The following DIP2B variants were observed in gnomAD, a reference collection of about 807,000 sequenced individuals.
DIP2B encodes disco-interacting protein 2 homolog B.
A neutral mutation model predicts 198.0 loss-of-function variants in DIP2B; 76 were observed. That is an observed-to-expected ratio of 0.38 (90% confidence interval 0.32 to 0.46). The LOEUF (loss-of-function observed/expected upper bound fraction) is 0.46. Among genes scored for constraint, DIP2B ranks in the 20% least tolerant of loss-of-function variants. DIP2B has a pLI of 0.99. For synonymous variants in DIP2B, 701 were observed against 739.1 expected (o/e 0.95, Z 0.84); for missense variants, 1,559 against 1,978.4 (o/e 0.79, Z 4.02).
chr12:50,599,565 G>A (rs1038259787), intron 1 of DIP2B, among the ~76,000 whole-genome samples: 3 of 152,018 alleles, frequency 2.0e-5, no homozygotes, highest in South Asian at 2.1e-4. Flanking sequence ...TGAGTGAGCC[G>A]AGATTGCGCC....
At chr12:50,594,242 C>A (rs911783294) in intron 1 of DIP2B, among the ~76,000 whole-genome samples, 1 of 151,990 alleles carries the variant, frequency 6.6e-6, no homozygotes, top group Non-Finnish European at 1.5e-5. Context: ...CTGTACCCAG[C>A]CTCCTTTGTT....
intron 32 of DIP2B, 112 bp downstream of exon 32, chr12:50,732,648 T>A (rs1328998026): frequency 2.2e-6 from 3 of 1,354,512 alleles, no homozygotes; most frequent in Non-Finnish European, 2.0e-6. Flanking sequence ...CGCACTTACT[T>A]GCTTTGGAAC....
At chr12:50,591,628 CT>C (rs755331602) in intron 1 of DIP2B, among the ~76,000 whole-genome samples, 136 of 143,882 alleles carry the variant, frequency 9.5e-4, no homozygotes, top group Middle Eastern at 3.5e-3. Flanking sequence ...TTCTTTCTTT[CT>C]TTTTTTTTTT....
intron 1 of DIP2B, among the ~76,000 whole-genome samples, chr12:50,546,272 A>G (rs976403362): frequency 4.6e-5 from 7 of 152,360 alleles, no homozygotes; most frequent in Non-Finnish European, 1.0e-4. Context: ...CAGGTACAGC[A>G]TATAGTTTTA....
chr12:50,643,411 G>GTGTC (rs978752406), intron 3 of DIP2B, among the ~76,000 whole-genome samples: 1 of 116,612 alleles, frequency 8.6e-6, no homozygotes, highest in Non-Finnish European at 1.6e-5. Flanking sequence ...TTTTCTGTGT[G>GTGTC]TGTGTGTGTG....
At chr12:50,584,381 G>A (rs1958751691) in intron 1 of DIP2B, among the ~76,000 whole-genome samples, 1 of 152,004 alleles carries the variant, frequency 6.6e-6, no homozygotes, top group Admixed American at 6.6e-5. Flanking sequence ...TTTCACCTCA[G>A]TACATATCTC....
chr12:50,699,090 A>G lies in DIP2B; in HGVS notation c.2213A>G (p.Asp738Gly), dbSNP rs774737966. The change falls in exon 19 of 38, where the codon GAT (aspartate) becomes GGT (glycine). Residue 738 changes from aspartate (D) to glycine (G), a missense_variant. Coordinates refer to ENST00000301180, the MANE Select transcript of DIP2B (RefSeq NM_173602.3). The part of the protein sequence containing the change: ...PGGMMCIVKP[D>G]GPPQLCKTDE... ...GGGATGATGTGCATTGTGAAACCAGATGGACCTCCCCAGCTCTGCAAAACA... is the reference window on the plus strand; with the variant it reads ...GGGATGATGTGCATTGTGAAACCAGGTGGACCTCCCCAGCTCTGCAAAACA... 1 of 1,614,072 alleles carries G rather than the reference A, an allele frequency of 6.2e-7. No individual in the cohort carries two copies. Among genetic ancestry groups the G allele is most frequent in the Non-Finnish European group, 8.5e-7 (1 of 1,180,024 alleles).
At position 50,640,990 on chromosome 12, in the gene DIP2B, C is replaced by T. The variant is rs200588672; in HGVS notation, c.301+138C>T. ...GTTTTATATTAACTCATTCACCAATCATTTATTTTGTACCCTACTATGTAT... is the reference window on the plus strand; with the variant it reads ...GTTTTATATTAACTCATTCACCAATTATTTATTTTGTACCCTACTATGTAT... On this transcript the variant is annotated intron_variant, in intron 3 of 37. Transcript: ENST00000301180. 44 of 1,112,492 alleles carry T rather than the reference C, an allele frequency of 4.0e-5. 1 individual carries two copies. In the African/African-American group the frequency reaches 6.5e-4, roughly 16 times the overall value. 68.9% of individuals were successfully genotyped at this position (1,112,492 alleles called of 1,614,324 possible). A position where few individuals can be genotyped will look rare whatever the true frequency, so the allele number is the denominator to read the frequency against.
chr12:50,568,441 C>T (rs74624297), intron 1 of DIP2B, among the ~76,000 whole-genome samples: 1 of 152,120 alleles, frequency 6.6e-6, no homozygotes, highest in Non-Finnish European at 1.5e-5. Context: ...GGTATTTAGC[C>T]TGTACTTTTT....
chr12:50,629,978 C>CCA (rs1938013559), intron 2 of DIP2B, among the ~76,000 whole-genome samples: 1 of 146,026 alleles, frequency 6.8e-6, no homozygotes, highest in South Asian at 2.2e-4. Context: ...ATGAGACAGT[C>CCA]CTTGCTCTGT....
chr12:50,593,599 A>G (rs1958838537), intron 1 of DIP2B, among the ~76,000 whole-genome samples: 1 of 151,398 alleles, frequency 6.6e-6, no homozygotes, highest in Non-Finnish European at 1.5e-5. Context: ...GAAAGAGCCC[A>G]TCAGAGATTA....
chr12:50,685,073 CAG>C (rs961725983), intron 10 of DIP2B, among the ~76,000 whole-genome samples: 1 of 152,074 alleles, frequency 6.6e-6, no homozygotes, highest in Admixed American at 6.6e-5. Context: ...GGTTGGGTGA[CAG>C]AGAGAGGCTC....
chr12:50,714,632 T>A (rs1476453255), intron 23 of DIP2B, 36 bp downstream of exon 23: 2 of 1,611,150 alleles, frequency 1.2e-6, no homozygotes, highest in Non-Finnish European at 1.7e-6. Context: ...GCACTAAAAT[T>A]CCAACTTCAA....
At chr12:50,738,492 T>G (rs1418517728) in intron 35 of DIP2B, among the ~76,000 whole-genome samples, 1 of 152,042 alleles carries the variant, frequency 6.6e-6, no homozygotes, top group African/African-American at 2.4e-5. Flanking sequence ...TCGAAAAATT[T>G]TTTTTTTCTG....
At chr12:50,743,146 G>A (rs1397720077) in intron 37 of DIP2B, among the ~76,000 whole-genome samples, 2 of 151,958 alleles carry the variant, frequency 1.3e-5, no homozygotes, top group Non-Finnish European at 2.9e-5. Context: ...GCAGCGGTGC[G>A]ATCCCGGCTC....
intron 1 of DIP2B, among the ~76,000 whole-genome samples, chr12:50,602,851 C>T (rs1324664022): frequency 2.3e-5 from 2 of 86,696 alleles, no homozygotes; most frequent in East Asian, 3.4e-4. Context: ...GAGTGAGACT[C>T]TGTCTCAAAA....
intron 1 of DIP2B, among the ~76,000 whole-genome samples, chr12:50,572,392 AG>A (rs1409319524): frequency 6.6e-6 from 1 of 152,216 alleles, no homozygotes; most frequent in Non-Finnish European, 1.5e-5. Flanking sequence ...TTTCACAATA[AG>A]GGGAACTGAA....
At chr12:50,649,946 C>T (rs1468280254) in intron 3 of DIP2B, among the ~76,000 whole-genome samples, 2 of 152,094 alleles carry the variant, frequency 1.3e-5, no homozygotes, top group Non-Finnish European at 2.9e-5. Context: ...CTGTGGCTCA[C>T]GCCTGTAATC....
intron 1 of DIP2B, among the ~76,000 whole-genome samples, chr12:50,562,405 T>C (rs1958526986): frequency 6.6e-6 from 1 of 152,028 alleles, no homozygotes; most frequent in Admixed American, 6.6e-5. Flanking sequence ...ATGCCATTTA[T>C]ATATTTGAAA....
Sources: gnomAD v4.1 joint callset for allele counts (sites outside exome capture counted in the v4.1 genomes callset) on GRCh38, gnomAD v4.1.1 for gene constraint, MANE v1.5 for transcripts, NCBI Gene and HGNC (gene_info 2026-07-23, HGNC 2026-07-21) for gene names.